Variants in DCP2 observed in about 807,000 individuals in gnomAD.
DCP2 encodes m7GpppN-mRNA hydrolase.
Under a neutral mutation model 56.1 loss-of-function variants are expected in DCP2, and 30 were observed. That is an observed-to-expected ratio of 0.53 (90% confidence interval 0.40 to 0.73). The LOEUF is 0.73. DCP2 is among the 30% of genes least tolerant of loss of function. DCP2 has a pLI of 0.00. For synonymous variants in DCP2, 197 were observed against 163.3 expected, an observed-to-expected ratio of 1.21 and a Z score of -1.57; for missense variants, 533 against 502.7, an observed-to-expected ratio of 1.06 and a Z score of -0.58.
At chr5:112,987,434 G>C (rs908761018) in intron 2 of DCP2, among the ~76,000 whole-genome samples, 1 of 151,976 alleles carries the variant, frequency 6.6e-6, no homozygotes, top group Admixed American at 6.6e-5. Context: ...TTGAGCTAAA[G>C]CACTTTGATT....
At chr5:113,003,098 A>T (rs1749253832) in intron 7 of DCP2, among the ~76,000 whole-genome samples, 1 of 152,136 alleles carries the variant, frequency 6.6e-6, no homozygotes, top group Non-Finnish European at 1.5e-5. Flanking sequence ...TATTCTGAGG[A>T]CAGGAGCTTG....
intron 4 of DCP2, among the ~76,000 whole-genome samples, chr5:112,993,682 A>G (rs1406920507): frequency 6.7e-6 from 1 of 149,356 alleles, no homozygotes; most frequent in Non-Finnish European, 1.5e-5. Context: ...TTATTTTCCT[A>G]CCTGGAATGT....
intron 1 of DCP2, among the ~76,000 whole-genome samples, chr5:112,978,256 T>G (rs1747819605): frequency 6.6e-6 from 1 of 152,184 alleles, no homozygotes. Flanking sequence ...ATTACAGGCG[T>G]GAGCCATCGC....
rs1483645846 is a variant in DCP2, at chr5:113,020,024, T to A, written c.*6540T>A. On this transcript the variant is annotated 3_prime_UTR_variant, in exon 11 of 11. Coordinates refer to ENST00000389063, the MANE Select transcript of DCP2 (RefSeq NM_152624.6). ...GAAGACTTGATGTGGCTTTTTACAT[T>A]ATGCTTTAAAGATGTTAATGGAGGA... is the stretch of plus-strand genomic sequence containing the variant. 1 of 152,228 alleles carries A rather than the reference T, an allele frequency of 6.6e-6. No individual in the cohort carries two copies. 9.4% of individuals were successfully genotyped at this position (152,228 alleles called of 1,614,324 possible). A position where few individuals can be genotyped will look rare whatever the true frequency, so the allele number is the denominator to read the frequency against.
At chr5:113,013,121 A>C (rs1749747342) in intron 10 of DCP2, among the ~76,000 whole-genome samples, 200 bp from the exon 11 acceptor site, 1 of 152,206 alleles carries the variant, frequency 6.6e-6, no homozygotes, top group African/African-American at 2.4e-5. Flanking sequence ...AATATGTGGA[A>C]ATAATAATAG....
chr5:113,006,117 CAAA>C (rs75106280), intron 8 of DCP2, among the ~76,000 whole-genome samples: 7 of 62,438 alleles, frequency 1.1e-4, no homozygotes, highest in African/African-American at 1.1e-4. Flanking sequence ...ACCCTATCTC[CAAA>C]AAAAAAAAAA....
chr5:113,003,933 T>A lies in DCP2; in HGVS notation c.807-9T>A, dbSNP rs2150185895. The A allele has an allele frequency of 6.2e-7, 1 of 1,614,028 alleles. No homozygotes were observed. Among genetic ancestry groups the A allele is most frequent in the Non-Finnish European group, 8.5e-7 (1 of 1,179,934 alleles). ...TTCTGATTTGATTATTTTTTAAATCTTGGTGTAGTCGAACCAAATTCCGCC... is the reference window on the plus strand; with the variant it reads ...TTCTGATTTGATTATTTTTTAAATCATGGTGTAGTCGAACCAAATTCCGCC... On this transcript the variant is annotated splice_polypyrimidine_tract_variant and intron_variant, in intron 7 of 10. Coordinates refer to ENST00000389063, the MANE Select transcript of DCP2 (RefSeq NM_152624.6).
At chr5:112,986,016 T>A (rs1748266749) in intron 2 of DCP2, 30 bp downstream of exon 2, 2 of 1,487,572 alleles carry the variant, frequency 1.3e-6, no homozygotes, top group Admixed American at 1.8e-5. Context: ...AATGACTGAC[T>A]TTCTTGTTAG....
At chr5:112,983,917 G>C (rs1447851928) in intron 1 of DCP2, 2 of 152,210 alleles carry the variant, frequency 1.3e-5, no homozygotes, top group East Asian at 3.8e-4. Context: ...AGACATTTTA[G>C]ATGTGTAGTA....
At chr5:112,987,409 A>T (rs1453412561) in intron 2 of DCP2, among the ~76,000 whole-genome samples, 1 of 152,116 alleles carries the variant, frequency 6.6e-6, no homozygotes, top group Non-Finnish European at 1.5e-5. Flanking sequence ...ATGGCATCGT[A>T]TGGGTTCTTA....
intron 2 of DCP2, among the ~76,000 whole-genome samples, chr5:112,991,120 TG>T (rs1452091134): frequency 6.6e-6 from 1 of 152,174 alleles, no homozygotes; most frequent in Admixed American, 6.5e-5. Flanking sequence ...AGTACCAATA[TG>T]GTCTCTGAAA....
rs536674214 is a variant in DCP2 at position 112,994,049 on chromosome 5, G to A, written c.432+1279G>A. ...TGAGGTCAAGTGATCTCTCCTCCTC[G>A]GCCTCCCAAAGTGCTGGGATTAGAG... On this transcript the variant is annotated intron_variant, in intron 4 of 10. Coordinates refer to ENST00000389063, the MANE Select transcript of DCP2 (RefSeq NM_152624.6). Among the ~76,000 whole-genome samples, 17 of 151,552 alleles carry A rather than the reference G, an allele frequency of 1.1e-4. No homozygotes were observed. The South Asian group carries it at 3.3e-3, about 30-fold the overall frequency.
chr5:113,001,529 A>G (rs1749179263), intron 6 of DCP2, 38 bp from the exon 7 acceptor site: 3 of 1,608,562 alleles, frequency 1.9e-6, no homozygotes, highest in Non-Finnish European at 2.6e-6. Context: ...TTCTGTCTGT[A>G]GCCATATTTT....
chr5:112,999,562 G>C (rs890524625), intron 4 of DCP2, among the ~76,000 whole-genome samples: 1 of 151,670 alleles, frequency 6.6e-6, no homozygotes, highest in African/African-American at 2.4e-5. Flanking sequence ...TCCTGACCTG[G>C]TGATTAGCCT....
rs1453809296 is a variant in DCP2, at chr5:113,021,714, GCTTCC to G, written c.*8231_*8235del. ...TTATACTTACTGTCAAAGTTACTTT[GCTTCC>G]ATAGTGAAAACTTGAGAACATTGTA... On this transcript the variant is annotated 3_prime_UTR_variant, in exon 11 of 11. Coordinates refer to ENST00000389063, the MANE Select transcript of DCP2 (RefSeq NM_152624.6). 1.3e-5 allele frequency among the ~76,000 whole-genome samples: 2 copies of G among 152,114 alleles called. No individual in the cohort carries two copies. Among genetic ancestry groups the G allele is most frequent in the African/African-American group, 4.8e-5 (2 of 41,408 alleles).
At chr5:112,985,537 C>T (rs989222958) in intron 1 of DCP2, among the ~76,000 whole-genome samples, 4 of 152,086 alleles carry the variant, frequency 2.6e-5, no homozygotes, top group African/African-American at 7.2e-5. Context: ...TGGGAGGAAG[C>T]GGAGGTTTTC....
Position 113,001,673 on chromosome 5 carries a change from A to AG in DCP2, c.806+1dup. On this transcript the variant is annotated frameshift_variant and splice_region_variant, in exon 7 of 11. Transcript: ENST00000389063. LOFTEE classifies it high-confidence loss of function. ...GGCTAAACCCACTGTGGAAAAATTG[A>AG]GGTAAAGAAATACATTCATGGAATC... The AG allele has an allele frequency of 6.2e-7, 1 of 1,611,640 alleles. No homozygotes were observed. Among genetic ancestry groups the AG allele is most frequent in the Non-Finnish European group, 8.5e-7 (1 of 1,177,718 alleles).
At chr5:112,979,532 T>C (rs1747899268) in intron 1 of DCP2, among the ~76,000 whole-genome samples, 1 of 152,212 alleles carries the variant, frequency 6.6e-6, no homozygotes, top group Non-Finnish European at 1.5e-5. Context: ...TTTTACTCCC[T>C]TCATTTTTTG....
intron 1 of DCP2, among the ~76,000 whole-genome samples, chr5:112,985,290 C>T (rs1748226253): frequency 6.6e-6 from 1 of 151,918 alleles, no homozygotes; most frequent in Admixed American, 6.6e-5. Flanking sequence ...TTTCCTTTCC[C>T]CAATGTACAT....
Sources: allele counts gnomAD v4.1 joint callset (sites outside exome capture counted in the v4.1 genomes callset), GRCh38; gene constraint gnomAD v4.1.1; transcripts MANE v1.5; gene names NCBI Gene and HGNC (gene_info 2026-07-23, HGNC 2026-07-21).